TCF4: variants seen among roughly 807,000 people sequenced by gnomAD.
TCF4 encodes transcription factor 4, also known as SL3-3 enhancer factor 2.
Under a neutral mutation model 82.1 loss-of-function variants are expected in TCF4, and 3 were observed. That is an observed-to-expected ratio of 0.04 (90% CI 0.02 to 0.09). TCF4 has a LOEUF of 0.09. Among genes scored for constraint, TCF4 ranks in the 10% least tolerant of loss-of-function variants. TCF4 has a pLI of 1.00. For missense variants in TCF4, 518 were observed against 852.7 expected (o/e 0.61, Z 4.89); for synonymous variants, 276 against 309.6 (o/e 0.89, Z 1.14).
At chr18:55,623,742 C>G (rs2097723836) in intron 2 of TCF4, among the ~76,000 whole-genome samples, 1 of 152,064 alleles carries the variant, frequency 6.6e-6, no homozygotes, top group African/African-American at 2.4e-5. Flanking sequence ...GGGGATTTAG[C>G]TATGTGAGTC....
At chr18:55,547,488 G>T (rs1315967331) in intron 3 of TCF4, among the ~76,000 whole-genome samples, 1 of 152,168 alleles carries the variant, frequency 6.6e-6, no homozygotes, top group Admixed American at 6.5e-5. Flanking sequence ...GAGCTCTGTA[G>T]CTCACCACCT....
At chr18:55,625,500 G>GTGC (rs1281188177) in intron 2 of TCF4, among the ~76,000 whole-genome samples, 4 of 152,156 alleles carry the variant, frequency 2.6e-5, no homozygotes, top group African/African-American at 7.2e-5. Flanking sequence ...GCCTCCCAAA[G>GTGC]TGCTGGGATT....
At chr18:55,409,379 CT>C (rs973568895) in intron 5 of TCF4, among the ~76,000 whole-genome samples, 6 of 150,536 alleles carry the variant, frequency 4.0e-5, no homozygotes, top group East Asian at 1.9e-4. Context: ...TCAGGGTTTT[CT>C]TTTTTTTTAA....
intron 3 of TCF4, 140 bp downstream of exon 3, chr18:55,585,140 T>C (rs893671110): frequency 5.2e-6 from 4 of 762,936 alleles, no homozygotes; most frequent in African/African-American, 3.5e-5. Flanking sequence ...ATACCACTGA[T>C]GGGTAATGCA....
chr18:55,635,622 TTGGCCATGG>T (rs1395616023), intron 1 of TCF4: 1 of 1,472,678 alleles, frequency 6.8e-7, no homozygotes, highest in African/African-American at 1.4e-5. Context: ...ACCGTTATGT[TTGGCCATGG>T]TGGCCATGGG....
chr18:55,236,736 C>T (rs188040998), intron 15 of TCF4, among the ~76,000 whole-genome samples: 358 of 152,268 alleles, frequency 2.4e-3, no homozygotes, highest in Non-Finnish European at 4.7e-3. Flanking sequence ...TTTTTACAGG[C>T]CTTGATCAAA....
intron 2 of TCF4, among the ~76,000 whole-genome samples, chr18:55,627,409 T>A (rs1408127781): frequency 6.6e-6 from 1 of 152,144 alleles, no homozygotes; most frequent in Admixed American, 6.5e-5. Flanking sequence ...CAATAATGGC[T>A]TCCACAGGGT....
At chr18:55,298,391 T>G (rs2067142606) in intron 8 of TCF4, among the ~76,000 whole-genome samples, 1 of 152,150 alleles carries the variant, frequency 6.6e-6, no homozygotes, top group South Asian at 2.1e-4. Context: ...AAATCAAATA[T>G]CTCTCCAGCA....
intron 3 of TCF4, among the ~76,000 whole-genome samples, chr18:55,509,632 T>G (rs1411823454): frequency 1.3e-5 from 2 of 152,194 alleles, no homozygotes; most frequent in African/African-American, 4.8e-5. Context: ...ACATCCAAAA[T>G]GATTCCCCCA....
At chr18:55,241,193 C>T (rs2051097860) in intron 15 of TCF4, among the ~76,000 whole-genome samples, 1 of 152,178 alleles carries the variant, frequency 6.6e-6, no homozygotes, top group Non-Finnish European at 1.5e-5. Flanking sequence ...TGTGAGCCGA[C>T]CTCAGTTCAT....
intron 8 of TCF4, among the ~76,000 whole-genome samples, chr18:55,341,781 A>T (rs1424200108): frequency 6.6e-6 from 1 of 152,166 alleles, no homozygotes; most frequent in Non-Finnish European, 1.5e-5. Context: ...AAGGGCAATC[A>T]GCTTAAGGGA....
chr18:55,621,631 AT>A (rs1421556465), intron 2 of TCF4, among the ~76,000 whole-genome samples: 38 of 70,852 alleles, frequency 5.4e-4, no homozygotes, highest in Non-Finnish European at 7.6e-4. Context: ...TATATAATAT[AT>A]ATATTATATA....
chr18:55,536,197 T>C (rs963658872), intron 3 of TCF4, among the ~76,000 whole-genome samples: 14 of 152,234 alleles, frequency 9.2e-5, no homozygotes, highest in African/African-American at 3.4e-4. Flanking sequence ...GTTTTTCACA[T>C]CATGGTCTTC....
intron 3 of TCF4, among the ~76,000 whole-genome samples, chr18:55,515,685 A>G (rs2096874225): frequency 6.6e-6 from 1 of 152,208 alleles, no homozygotes; most frequent in South Asian, 2.1e-4. Flanking sequence ...TTGAGGTGGA[A>G]TCTTCAGAGA....
Position 55,222,935 on chromosome 18 carries a change from T to C in TCF4, c.*5100A>G, listed in dbSNP as rs977304886. 2.0e-4 allele frequency: 31 copies of C among 152,596 alleles called. No homozygotes were observed. The highest frequency in any genetic ancestry group is 2.9e-5 in the Non-Finnish European group (2 of 68,034). 9.5% of individuals were successfully genotyped at this position (152,596 alleles called of 1,614,324 possible). A position where few individuals can be genotyped will look rare whatever the true frequency, so the allele number is the denominator to read the frequency against. ...ACCAGAAGTGGTGGGGCGGATGTAGTTTGAGAAAGTATAAATACAGTGTTA... is the reference window on the plus strand; with the variant it reads ...ACCAGAAGTGGTGGGGCGGATGTAGCTTGAGAAAGTATAAATACAGTGTTA... On this transcript the variant is annotated 3_prime_UTR_variant, in exon 20 of 20. Transcript: ENST00000354452.
At chr18:55,399,775 A>T (rs529622604) in intron 6 of TCF4, among the ~76,000 whole-genome samples, 2 of 152,014 alleles carry the variant, frequency 1.3e-5, no homozygotes, top group East Asian at 3.9e-4. Flanking sequence ...TCAGAAAAGC[A>T]CAGGCCCAGC....
At chr18:55,400,321 A>G (rs2093744066) in intron 6 of TCF4, among the ~76,000 whole-genome samples, 1 of 152,164 alleles carries the variant, frequency 6.6e-6, no homozygotes, top group Non-Finnish European at 1.5e-5. Flanking sequence ...AAGGAGTATG[A>G]GGTTACCATT....
At chr18:55,423,417 ACG>A (rs56336951) in intron 5 of TCF4, 31,241 of 136,400 alleles carry the variant, frequency 0.23, 3,464 homozygotes, top group East Asian at 0.44. Context: ...GGAGAGGCAC[ACG>A]CGCGCGCGCA....
At chr18:55,534,432 G>C (rs894728430) in intron 3 of TCF4, among the ~76,000 whole-genome samples, 10 of 152,210 alleles carry the variant, frequency 6.6e-5, no homozygotes, top group African/African-American at 2.4e-4. Flanking sequence ...AGACACATAA[G>C]TGAGGGATGG....
Sources: gnomAD v4.1 joint callset for allele counts (sites outside exome capture counted in the v4.1 genomes callset) on GRCh38, gnomAD v4.1.1 for gene constraint, MANE v1.5 for transcripts, NCBI Gene and HGNC (gene_info 2026-07-23, HGNC 2026-07-21) for gene names.